PTPRN2: variants seen among roughly 807,000 people sequenced by gnomAD.
PTPRN2 encodes receptor-type tyrosine-protein phosphatase N2.
PTPRN2 carries 74 observed loss-of-function variants against 118.8 expected under a neutral mutation model. The observed-to-expected ratio is 0.62, with a 90% CI of 0.52 to 0.76. The LOEUF is 0.76. Ranked by LOEUF, PTPRN2 falls within the 30% of genes least tolerant of loss-of-function variation. The pLI, the probability that PTPRN2 is intolerant of heterozygous loss-of-function variation, is 0.00. For missense variants in PTPRN2, 1,481 were observed against 1,394.4 expected (o/e 1.06, Z -0.99); for synonymous variants, 641 against 608.0 (o/e 1.05, Z -0.80).
At chr7:158,121,925 C>T (rs1473486179) in intron 9 of PTPRN2, among the ~76,000 whole-genome samples, 1 of 152,204 alleles carries the variant, frequency 6.6e-6, no homozygotes, top group Non-Finnish European at 1.5e-5. Flanking sequence ...ACAGGGCTGA[C>T]TGTGCTCACA....
intron 11 of PTPRN2, among the ~76,000 whole-genome samples, chr7:158,072,958 G>A (rs1487041842): frequency 6.6e-6 from 1 of 152,204 alleles, no homozygotes; most frequent in Non-Finnish European, 1.5e-5. Context: ...CAGAGCAGGA[G>A]AAACCCTCTG....
intron 10 of PTPRN2, among the ~76,000 whole-genome samples, chr7:158,091,751 G>A (rs967206866): frequency 7.1e-6 from 1 of 140,240 alleles, no homozygotes; most frequent in Non-Finnish European, 1.5e-5. Flanking sequence ...TGAAAGATAG[G>A]TGATGGATGG....
chr7:157,810,260 G>A (rs986871910), intron 12 of PTPRN2, among the ~76,000 whole-genome samples: 4 of 152,254 alleles, frequency 2.6e-5, no homozygotes, highest in Non-Finnish European at 5.9e-5. Flanking sequence ...TGGTCGCAGC[G>A]CACCATCCCC....
chr7:158,535,744 G>A (rs1382656945), intron 1 of PTPRN2, among the ~76,000 whole-genome samples: 1 of 151,300 alleles, frequency 6.6e-6, no homozygotes, highest in East Asian at 1.9e-4. Flanking sequence ...CCTCAACCAT[G>A]ATTGTTTTTA....
rs916388085 is a variant in PTPRN2 at position 157,987,250 on chromosome 7, G to A, written c.1724-88513C>T. On this transcript the variant is annotated intron_variant, in intron 11 of 22. Transcript: ENST00000389418. The surrounding 1 kb of genome is among the most constrained non-coding windows in gnomAD (Gnocchi z 4.3). ...AAATCTCTTCCTCCCTTAAGGTAAG[G>A]TGCTGTGTGGAGCTTACTGGAACCT... Among the ~76,000 whole-genome samples, 34 of 151,968 alleles carry A rather than the reference G, an allele frequency of 2.2e-4. No homozygotes were observed. Among genetic ancestry groups the A allele is most frequent in the African/African-American group, 8.2e-4 (34 of 41,350 alleles).
In PTPRN2 at chr7:158,381,500, T is replaced by C. The variant is rs550424369; in HGVS notation, c.164-64568A>G. On this transcript the variant is annotated intron_variant, in intron 2 of 22. Transcript: ENST00000389418. ...TCTGAGACCACCTCAGCCTGGACTTTATTGTCCATATTGCTGTCAGCATTT... is the reference window on the plus strand; with the variant it reads ...TCTGAGACCACCTCAGCCTGGACTTCATTGTCCATATTGCTGTCAGCATTT... 2.6e-5 allele frequency among the ~76,000 whole-genome samples: 4 copies of C among 152,320 alleles called. No individual in the cohort carries two copies. In the East Asian group the frequency reaches 5.8e-4, roughly 22 times the overall value.
chr7:157,952,925 G>A (rs1800925672), intron 11 of PTPRN2, among the ~76,000 whole-genome samples: 1 of 152,104 alleles, frequency 6.6e-6, no homozygotes, highest in Non-Finnish European at 1.5e-5. Flanking sequence ...GTCCATCACC[G>A]AGACGTCAGC....
In PTPRN2 at chr7:157,787,130, G is replaced by A. The variant is rs1317534316; in HGVS notation, c.1789-104193C>T. Among the ~76,000 whole-genome samples, 2 of 140,178 alleles carry A rather than the reference G, an allele frequency of 1.4e-5. No individual in the cohort carries two copies. The highest frequency in any genetic ancestry group is 7.0e-5 in the Admixed American group (1 of 14,246). 92.0% of individuals were successfully genotyped at this position (140,178 alleles called of 152,430 possible). On this transcript the variant is annotated intron_variant, in intron 12 of 22. Coordinates refer to ENST00000389418, the MANE Select transcript of PTPRN2 (RefSeq NM_002847.5). The surrounding 1 kb of genome is among the most constrained non-coding windows in gnomAD (Gnocchi z 5.3). Reference sequence around the variant, plus strand: ...CGGACGCGGGTGCGGCGGGGGACGCGGGGGTGGCTGCCCGGGAGGCGGACG... The same window carrying A: ...CGGACGCGGGTGCGGCGGGGGACGCAGGGGTGGCTGCCCGGGAGGCGGACG...
rs762317506 is a variant in PTPRN2 at position 158,133,702 on chromosome 7, G to T, written c.1531C>A (p.Arg511=). The change falls in exon 9 of 23, where the codon CGG becomes AGG. Residue 511 remains arginine (R), a synonymous_variant. Transcript: ENST00000389418. ...TCTCTGTCTGTCACGATGTAGCCCC[G>T]CGCCTCTTCCTCGGAAGGCTGGACC... ...LEVQPSEEEA[R]GYIVTDRDPL... 25 of 1,603,034 alleles carry T rather than the reference G, an allele frequency of 1.6e-5. No homozygotes were observed. The highest frequency in any genetic ancestry group is 2.1e-5 in the Non-Finnish European group (25 of 1,174,808).
intron 11 of PTPRN2, among the ~76,000 whole-genome samples, chr7:157,917,306 C>T (rs1329529764): frequency 6.6e-6 from 1 of 152,266 alleles, no homozygotes; most frequent in Non-Finnish European, 1.5e-5. Flanking sequence ...CAGAAGTGCA[C>T]ATTGGCGTGG....
At chr7:158,567,096 T>C (rs1827712732) in intron 1 of PTPRN2, among the ~76,000 whole-genome samples, 1 of 152,256 alleles carries the variant, frequency 6.6e-6, no homozygotes, top group Non-Finnish European at 1.5e-5. Flanking sequence ...TCATTTTTTC[T>C]GAAGGGGAGG....
rs530859005 is a variant in PTPRN2, at chr7:157,696,208, G to A, written c.1789-13271C>T. ...CTCACCATCTACCCATGCACACTGG[G>A]TCTTGGCAGAGCCCTCACCATCTAC... On this transcript the variant is annotated intron_variant, in intron 12 of 22. Coordinates refer to ENST00000389418, the MANE Select transcript of PTPRN2 (RefSeq NM_002847.5). Among the ~76,000 whole-genome samples the A allele has an allele frequency of 3.8e-5, 5 of 132,832 alleles. No individual in the cohort carries two copies. In the South Asian group the frequency reaches 8.1e-4, roughly 22 times the overall value. The allele number at this position is 132,832 out of a possible 152,430, so 87.1% of individuals were successfully genotyped here.
Position 158,134,046 on chromosome 7 carries a change from C to T in PTPRN2, c.1187G>A (p.Ser396Asn). Residue 396 changes from serine to asparagine, a missense_variant, in exon 9 of 23, where the codon AGT becomes AAT. Physicochemically the swap from Ser to Asn is conservative, Grantham distance 46. This residue lies in a region of PTPRN2 where 1,115 missense variants were observed against 994.2 expected (regional missense o/e 1.12). Transcript: ENST00000389418. ...DRLYQEVHRL[S>N]ATLGGLLQDH... is the part of the protein sequence containing the mutation. Reference sequence around the variant, plus strand: ...CTGCAGGAGGCCCCCGAGTGTGGCACTCAGACGATGGACCTGACAGAGAGG... The same window carrying T: ...CTGCAGGAGGCCCCCGAGTGTGGCATTCAGACGATGGACCTGACAGAGAGG... The T allele has an allele frequency of 6.2e-7, 1 of 1,613,310 alleles. No homozygotes were observed. The highest frequency in any genetic ancestry group is 8.5e-7 in the Non-Finnish European group (1 of 1,179,686).
At chr7:157,936,106 G>A (rs1358026284) in intron 11 of PTPRN2, among the ~76,000 whole-genome samples, 3 of 152,196 alleles carry the variant, frequency 2.0e-5, no homozygotes, top group African/African-American at 4.8e-5. Context: ...TGAACCGATC[G>A]TAGGTGTATG....
At chr7:157,993,030 G>A (rs1158899903) in intron 11 of PTPRN2, among the ~76,000 whole-genome samples, 8 of 152,166 alleles carry the variant, frequency 5.3e-5, no homozygotes, top group South Asian at 4.1e-4. Flanking sequence ...CGGAGCCCAC[G>A]GGGTCTGCCC....
In PTPRN2 at chr7:158,529,428, A is replaced by G. The variant is rs920030999; in HGVS notation, c.113-39643T>C. ...AGCAGGAGGACGGACTCACCAGGAC[A>G]CCCCCAAGGACAGGGAAGGTGCTGC... On this transcript the variant is annotated intron_variant, in intron 1 of 22. Transcript: ENST00000389418. This position sits in a 1 kb window ranked among gnomAD's most constrained non-coding sequence, Gnocchi z 4.7. Among the ~76,000 whole-genome samples the G allele has an allele frequency of 2.6e-5, 4 of 152,134 alleles. No individual in the cohort carries two copies. Among genetic ancestry groups the G allele is most frequent in the Non-Finnish European group, 5.9e-5 (4 of 68,014 alleles).
intron 3 of PTPRN2, among the ~76,000 whole-genome samples, chr7:158,207,931 T>G (rs1489734519): frequency 1.3e-5 from 2 of 152,182 alleles, no homozygotes; most frequent in African/African-American, 4.8e-5. Context: ...TCCGATAAAC[T>G]TAACAATGAA....
intron 12 of PTPRN2, among the ~76,000 whole-genome samples, chr7:157,842,224 G>T (rs532803203): frequency 6.6e-6 from 1 of 152,028 alleles, no homozygotes; most frequent in Non-Finnish European, 1.5e-5. Context: ...GTCAAACCAG[G>T]CCTCCCCCAC....
At chr7:158,365,734 C>T (rs972720149) in intron 2 of PTPRN2, among the ~76,000 whole-genome samples, 1 of 143,950 alleles carries the variant, frequency 6.9e-6, no homozygotes, top group African/African-American at 2.7e-5. Context: ...ACACACACAG[C>T]ATCCCTGGGA....
Sources: gnomAD v4.1 joint callset for allele counts (sites outside exome capture counted in the v4.1 genomes callset) on GRCh38, gnomAD v4.1.1 for gene constraint, gnomAD v4.1.1 regional missense constraint, Gnocchi (gnomAD v3.1) non-coding constraint, MANE v1.5 for transcripts, NCBI Gene and HGNC (gene_info 2026-07-23, HGNC 2026-07-21) for gene names.